ARFGEF3: variants seen among roughly 807,000 people sequenced by gnomAD.
ARFGEF3 encodes the protein brefeldin A-inhibited guanine nucleotide-exchange protein 3.
ARFGEF3 carries 96 observed loss-of-function variants against 221.7 expected under a neutral mutation model. The ratio of observed to expected loss-of-function variants is 0.43; its 90% CI spans 0.37 to 0.51. The LOEUF (loss-of-function observed/expected upper bound fraction) is 0.51, where lower values mean the gene tolerates loss of function less well. ARFGEF3 is among the 20% of genes least tolerant of loss of function. The probability of loss-of-function intolerance (pLI) is 0.00; values close to 1 mark genes in which losing one functional copy is unlikely to be tolerated. For synonymous variants in ARFGEF3, 1,145 were observed against 1,126.8 expected (o/e 1.02, Z -0.32); for missense variants, 2,410 against 2,789.9 (o/e 0.86, Z 3.07).
intron 15 of ARFGEF3, 53 bp from the exon 16 acceptor site, chr6:138,286,648 T>C (rs138011120): frequency 6.9e-7 from 1 of 1,458,694 alleles, no homozygotes; most frequent in African/African-American, 1.4e-5. Context: ...ATGTCATTCA[T>C]TGCCAGGTTG....
intron 3 of ARFGEF3, among the ~76,000 whole-genome samples, chr6:138,208,309 T>C (rs1583011444): frequency 6.6e-6 from 1 of 152,152 alleles, no homozygotes; most frequent in East Asian, 1.9e-4. Context: ...TCAGTTTTTA[T>C]CACTTTAAGT....
Position 138,244,339 on chromosome 6 carries a change from C to T in ARFGEF3, c.587-1174C>T, listed in dbSNP as rs182814050. On this transcript the variant is annotated intron_variant, in intron 7 of 33. Coordinates refer to ENST00000251691, the MANE Select transcript of ARFGEF3 (RefSeq NM_020340.5). The stretch of plus-strand genomic sequence containing the variant: ...TACCGTCATCATTCATTTATACATT[C>T]ATCAGATACTTAGAGCCACATTTGT... 2.6e-3 allele frequency among the ~76,000 whole-genome samples: 396 copies of T among 152,338 alleles called. 2 individuals carry two copies. Among genetic ancestry groups the T allele is most frequent in the African/African-American group, 9.2e-3 (382 of 41,574 alleles).
chr6:138,293,731 T>G (rs1024252429), intron 19 of ARFGEF3, among the ~76,000 whole-genome samples: 3 of 152,224 alleles, frequency 2.0e-5, no homozygotes, highest in African/African-American at 7.2e-5. Flanking sequence ...GCCAAGCATT[T>G]TATGAGTGCC....
At chr6:138,251,811 C>T (rs1304982310) in intron 8 of ARFGEF3, among the ~76,000 whole-genome samples, 2 of 152,086 alleles carry the variant, frequency 1.3e-5, no homozygotes, top group Non-Finnish European at 2.9e-5. Flanking sequence ...GTTGCTCCTG[C>T]CATATGGTCT....
chr6:138,174,705 A>T (rs1216525086), intron 2 of ARFGEF3, among the ~76,000 whole-genome samples: 2 of 152,090 alleles, frequency 1.3e-5, no homozygotes, highest in Non-Finnish European at 1.5e-5. Flanking sequence ...GCAGATTTTT[A>T]AAATTGTTTG....
chr6:138,173,386 A>G (rs1008186976), intron 2 of ARFGEF3, among the ~76,000 whole-genome samples: 1 of 152,300 alleles, frequency 6.6e-6, no homozygotes, highest in Middle Eastern at 3.4e-3. Flanking sequence ...ACTCTGCTCT[A>G]AAGGTTGTTT....
chr6:138,294,053 G>A lies in ARFGEF3; in HGVS notation c.3429G>A (p.Gln1143=), dbSNP rs1426450860. 7 of 1,613,858 alleles carry A rather than the reference G, an allele frequency of 4.3e-6. No homozygotes were observed. The Admixed American group carries it at 1.2e-4, about 27-fold the overall frequency. The change falls in exon 20 of 34, where the codon CAG becomes CAA. Residue 1143 remains glutamine (Q), a synonymous_variant. Transcript: ENST00000251691. ...TGGCCTTGGGAGGTTTTCTTTACCA[G>A]CTGAAGAAAGCATCGCAGTCTCAGC... The part of the protein sequence containing the change: ...NLMALGGFLY[Q]LKKASQSQLF...
Position 138,340,336 on chromosome 6 carries a change from T to C in ARFGEF3, c.*3850T>C, listed in dbSNP as rs1213382294. The C allele has an allele frequency of 6.6e-6, 1 of 152,252 alleles. No homozygotes were observed. The highest frequency in any genetic ancestry group is 1.5e-5 in the Non-Finnish European group (1 of 68,038). 9.4% of individuals were successfully genotyped at this position (152,252 alleles called of 1,614,324 possible). On this transcript the variant is annotated 3_prime_UTR_variant, in exon 34 of 34. Coordinates refer to ENST00000251691, the MANE Select transcript of ARFGEF3 (RefSeq NM_020340.5). ...ATGATCATTAGGCTTTTTGTCCTTGTTGTTTTAAAATGAGGCTTATACAGA... is the reference window on the plus strand; with the variant it reads ...ATGATCATTAGGCTTTTTGTCCTTGCTGTTTTAAAATGAGGCTTATACAGA...
rs1371343413 is a variant in ARFGEF3, at chr6:138,255,573, G to A, written c.908G>A (p.Arg303Gln). Residue 303 changes from arginine (R) to glutamine (Q), a missense_variant, in exon 10 of 34, where the codon CGA becomes CAA. By Grantham distance (43) the Arg-to-Gln change is conservative. Around this residue, in one of 5 missense-constraint regions of ARFGEF3, gnomAD observed 570 missense variants for 586.9 expected, o/e 0.97. Coordinates refer to ENST00000251691, the MANE Select transcript of ARFGEF3 (RefSeq NM_020340.5). ...TCTCCGGGAGTGTCTGACCACGGCC[G>A]AGGATCAGGCTGCTCCTGCACTGCG... ...SASPGVSDHG[R>Q]GSGCSCTAPA... is the part of the protein sequence containing the mutation. 6 of 1,613,880 alleles carry A rather than the reference G, an allele frequency of 3.7e-6. No individual in the cohort carries two copies. The highest frequency in any genetic ancestry group is 3.4e-6 in the Non-Finnish European group (4 of 1,179,904).
chr6:138,307,383 G>A lies in ARFGEF3; in HGVS notation c.3959G>A (p.Gly1320Asp). 1 of 1,613,772 alleles carries A rather than the reference G, an allele frequency of 6.2e-7. No homozygotes were observed. Among genetic ancestry groups the A allele is most frequent in the Non-Finnish European group, 8.5e-7 (1 of 1,179,758 alleles). The change falls in exon 23 of 34, where the codon GGT (glycine) becomes GAT (aspartate). Residue 1320 changes from glycine to aspartate, a missense_variant. Physicochemically the swap from Gly to Asp is moderately conservative, Grantham distance 94 (BLOSUM62 -1). Coordinates refer to ENST00000251691, the MANE Select transcript of ARFGEF3 (RefSeq NM_020340.5). ...TCAGAGATGAAGGAGTACCTGGTTG[G>A]TGACTACTCCATGGGTAAGAATGTT... ...NKSEMKEYLV[G>D]DYSMGKGQAP...
chr6:138,253,506 C>T (rs1364394888), intron 8 of ARFGEF3, among the ~76,000 whole-genome samples: 1 of 152,130 alleles, frequency 6.6e-6, no homozygotes, highest in East Asian at 1.9e-4. Context: ...TCTCTCCGCG[C>T]CTTGTAGATG....
At position 138,294,156 on chromosome 6, in the gene ARFGEF3, C is replaced by T. The variant is rs781672691; in HGVS notation, c.3502+30C>T. On this transcript the variant is annotated intron_variant, in intron 20 of 33. Coordinates refer to ENST00000251691, the MANE Select transcript of ARFGEF3 (RefSeq NM_020340.5). ...TTCTTTCCCTGAATAAACCATATGC[C>T]AGGAAGTTAGCAGGAAACAGCCCAG... The T allele has an allele frequency of 9.9e-6, 16 of 1,608,236 alleles. No individual in the cohort carries two copies. The Admixed American group carries it at 2.7e-4, about 27-fold the overall frequency.
chr6:138,186,735 T>C (rs565891078), intron 2 of ARFGEF3, among the ~76,000 whole-genome samples: 56 of 152,062 alleles, frequency 3.7e-4, no homozygotes, highest in Non-Finnish European at 7.5e-4. Flanking sequence ...GCTGGAGATA[T>C]CCCCGTCCCG....
rs115623044 is a variant in ARFGEF3 at position 138,296,070 on chromosome 6, C to G, written c.3503-740C>G. On this transcript the variant is annotated intron_variant, in intron 20 of 33. Coordinates refer to ENST00000251691, the MANE Select transcript of ARFGEF3 (RefSeq NM_020340.5). Reference sequence around the variant, plus strand: ...TTTGCCAAGAAGGTGGCAAACCCCGCCCCCCATAGTTTCTCACCCTAGTTC... The same window carrying G: ...TTTGCCAAGAAGGTGGCAAACCCCGGCCCCCATAGTTTCTCACCCTAGTTC... Among the ~76,000 whole-genome samples the G allele has an allele frequency of 8.3e-3, 1,256 of 152,170 alleles. 24 individuals carry two copies. Among genetic ancestry groups the G allele is most frequent in the African/African-American group, 0.03 (1,227 of 41,512 alleles).
chr6:138,278,424 C>A, intron 12 of ARFGEF3, 27 bp from the exon 13 acceptor site: 2 of 1,609,874 alleles, frequency 1.2e-6, no homozygotes, highest in Non-Finnish European at 1.7e-6. Context: ...TTCACACCCC[C>A]AAAAGTCCCT....
intron 31 of ARFGEF3, 65 bp downstream of exon 31, chr6:138,324,219 C>A: frequency 6.4e-7 from 1 of 1,551,172 alleles, no homozygotes; most frequent in Non-Finnish European, 8.8e-7. Context: ...GGAGACCTTC[C>A]TTGAAGGTCT....
intron 2 of ARFGEF3, among the ~76,000 whole-genome samples, chr6:138,179,285 G>A (rs1220970529): frequency 6.6e-6 from 1 of 152,196 alleles, no homozygotes; most frequent in Non-Finnish European, 1.5e-5. Flanking sequence ...TCAAAAGGCA[G>A]CCATTGGCAG....
intron 9 of ARFGEF3, 61 bp from the exon 10 acceptor site, chr6:138,255,375 C>A: frequency 8.1e-7 from 1 of 1,233,714 alleles, no homozygotes; most frequent in Non-Finnish European, 1.2e-6. Context: ...TGTTTACTCG[C>A]AGAGTAAATT....
intron 28 of ARFGEF3, 144 bp downstream of exon 28, chr6:138,320,023 G>A: frequency 1.4e-6 from 1 of 705,542 alleles, no homozygotes; most frequent in Non-Finnish European, 2.3e-6. Context: ...AACATGGTCA[G>A]TGCCAGCCTT....
Sources: allele counts gnomAD v4.1 joint callset (sites outside exome capture counted in the v4.1 genomes callset), GRCh38; gene constraint gnomAD v4.1.1; regional missense constraint gnomAD v4.1.1; transcripts MANE v1.5; gene names NCBI Gene and HGNC (gene_info 2026-07-23, HGNC 2026-07-21).